Variants in CEP192 observed in about 807,000 individuals in gnomAD.
CEP192 encodes the protein centrosomal protein of 192 kDa.
CEP192 carries 151 observed loss-of-function variants against 271.8 expected under a neutral mutation model. The observed-to-expected ratio is 0.56, with a 90% CI of 0.49 to 0.64. The LOEUF is 0.64. CEP192 is among the 30% of genes least tolerant of loss of function. CEP192 has a pLI of 0.00. For synonymous variants in CEP192, 995 were observed against 1,076.5 expected (o/e 0.92, Z 1.48); for missense variants, 2,910 against 3,020.5 (o/e 0.96, Z 0.86).
chr18:13,085,074 C>G (rs562301248), intron 30 of CEP192, among the ~76,000 whole-genome samples: 1 of 152,044 alleles, frequency 6.6e-6, no homozygotes, highest in South Asian at 2.1e-4. Context: ...ATCTGCCCAC[C>G]TTTGCCTCCC....
At chr18:13,087,746 A>G (rs556853596) in intron 32 of CEP192, 100 bp downstream of exon 32, 42 of 486,092 alleles carry the variant, frequency 8.6e-5, no homozygotes, top group Non-Finnish European at 1.5e-4. Flanking sequence ...TTCACTATTT[A>G]TTAGTGAACT....
At chr18:13,089,094 A>G (rs2144717776) in intron 32 of CEP192, among the ~76,000 whole-genome samples, 1 of 152,308 alleles carries the variant, frequency 6.6e-6, no homozygotes, top group African/African-American at 2.4e-5. Flanking sequence ...TTATATGGTA[A>G]TTTAGGTATT....
intron 3 of CEP192, among the ~76,000 whole-genome samples, chr18:13,007,167 C>G (rs2034035205): frequency 1.3e-5 from 2 of 152,172 alleles, no homozygotes; most frequent in African/African-American, 4.8e-5. Context: ...TTTTCAGATT[C>G]CAGAATCTGG....
At chr18:13,083,319 T>C (rs1318408457) in intron 30 of CEP192, among the ~76,000 whole-genome samples, 2 of 151,970 alleles carry the variant, frequency 1.3e-5, no homozygotes, top group African/African-American at 4.8e-5. Context: ...TTGTTTCTTT[T>C]TACTTTTTGT....
chr18:13,100,515 A>G lies in CEP192; in HGVS notation c.6871+3A>G. On this transcript the variant is annotated splice_donor_region_variant and intron_variant, in intron 38 of 44. Coordinates refer to ENST00000506447, the MANE Select transcript of CEP192 (RefSeq NM_032142.4). ...AACAGAACCTGGTGAAACTTCAGGT[A>G]TTGTATCACAAAATTATGTAATTCA... 1 of 1,589,960 alleles carries G rather than the reference A, an allele frequency of 6.3e-7. No individual in the cohort carries two copies. The highest frequency in any genetic ancestry group is 8.6e-7 in the Non-Finnish European group (1 of 1,159,150).
At chr18:13,066,049 A>G (rs1471549805) in intron 21 of CEP192, among the ~76,000 whole-genome samples, 2 of 152,226 alleles carry the variant, frequency 1.3e-5, no homozygotes, top group East Asian at 3.8e-4. Context: ...GTCTGAACTC[A>G]AATAGTTTAC....
chr18:13,072,849 C>T lies in CEP192; in HGVS notation c.5439+4C>T, dbSNP rs1432874123. 8.7e-6 allele frequency: 14 copies of T among 1,600,628 alleles called. No individual in the cohort carries two copies. Among genetic ancestry groups the T allele is most frequent in the African/African-American group, 4.0e-5 (3 of 74,656 alleles). On this transcript the variant is annotated splice_donor_region_variant and intron_variant, in intron 29 of 44. Coordinates refer to ENST00000506447, the MANE Select transcript of CEP192 (RefSeq NM_032142.4). ...ACAAGATCAGGACTGCTTTCAGGTT[C>T]GTAGAGTACGTGGATTCTTGTTATG...
chr18:13,078,303 G>A (rs968736587), intron 30 of CEP192, among the ~76,000 whole-genome samples: 6 of 152,184 alleles, frequency 3.9e-5, no homozygotes, highest in Admixed American at 6.5e-5. Context: ...TGGTGTATAT[G>A]TGCCACATTT....
chr18:13,089,413 A>G (rs1025778606), intron 32 of CEP192, 43 bp from the exon 33 acceptor site: 1 of 940,122 alleles, frequency 1.1e-6, no homozygotes, highest in Non-Finnish European at 1.6e-6. Context: ...TATTTTATAT[A>G]TAACGTCACT....
intron 40 of CEP192, among the ~76,000 whole-genome samples, chr18:13,113,362 G>A (rs2040291978): frequency 6.6e-6 from 1 of 152,174 alleles, no homozygotes; most frequent in African/African-American, 2.4e-5. Flanking sequence ...TACATTTTAA[G>A]AAATATGTTA....
intron 3 of CEP192, among the ~76,000 whole-genome samples, chr18:13,007,241 C>T: frequency 6.6e-6 from 1 of 152,304 alleles, no homozygotes; most frequent in East Asian, 1.9e-4. Flanking sequence ...GATTTCCTTA[C>T]TGTCATTTTA....
At chr18:13,025,806 T>A (rs2035264343) in intron 9 of CEP192, among the ~76,000 whole-genome samples, 1 of 152,172 alleles carries the variant, frequency 6.6e-6, no homozygotes, top group Non-Finnish European at 1.5e-5. Context: ...TGTCTGTATA[T>A]AGACACACAC....
chr18:13,001,556 G>A lies in CEP192; in HGVS notation c.264G>A (p.Arg88=), dbSNP rs966546259. ...AGAGTGATGCTGAACCAAGAGAGAG[G>A]TTACAGCTTAGCTTCCAGGATGATG... is the stretch of plus-strand genomic sequence containing the variant. ...GSQSDAEPRE[R]LQLSFQDDDS... is the part of the protein sequence containing the mutation. Residue 88 remains arginine, a synonymous_variant, in exon 3 of 45, where the codon AGG becomes AGA. Transcript: ENST00000506447. 2.8e-5 allele frequency: 44 copies of A among 1,549,506 alleles called. No individual in the cohort carries two copies. In the Admixed American group the frequency reaches 3.2e-4, roughly 11 times the overall value.
intron 30 of CEP192, among the ~76,000 whole-genome samples, chr18:13,077,057 A>G (rs2038329145): frequency 6.6e-6 from 1 of 152,250 alleles, no homozygotes; most frequent in Non-Finnish European, 1.5e-5. Flanking sequence ...TGCTGAGATT[A>G]CGGGCGTGAG....
At chr18:13,026,864 C>A (rs1328264140) in intron 9 of CEP192, among the ~76,000 whole-genome samples, 2 of 152,208 alleles carry the variant, frequency 1.3e-5, no homozygotes, top group African/African-American at 4.8e-5. Context: ...ATACCAACAT[C>A]CCTGCCATAT....
chr18:13,068,016 A>G lies in CEP192; in HGVS notation c.4614+60A>G. Reference sequence around the variant, plus strand: ...GAATGCACTGATCTTATGAAAGTACATTTTTTTAAGGATTTTGTTAGCAAA... The same window carrying G: ...GAATGCACTGATCTTATGAAAGTACGTTTTTTTAAGGATTTTGTTAGCAAA... On this transcript the variant is annotated intron_variant, in intron 22 of 44. Transcript: ENST00000506447. 57 of 1,602,654 alleles carry G rather than the reference A, an allele frequency of 3.6e-5. No homozygotes were observed. The South Asian group carries it at 5.9e-4, about 17-fold the overall frequency.
chr18:13,107,974 A>G (rs982837321), intron 40 of CEP192, among the ~76,000 whole-genome samples: 1 of 152,154 alleles, frequency 6.6e-6, no homozygotes, highest in South Asian at 2.1e-4. Flanking sequence ...GGAACAGAAT[A>G]GAGAACCCAG....
chr18:13,039,039 A>C (rs977647773), intron 13 of CEP192, among the ~76,000 whole-genome samples: 2 of 152,284 alleles, frequency 1.3e-5, no homozygotes, highest in Non-Finnish European at 2.9e-5. Context: ...ACAATTAAAA[A>C]GACAAGTTAT....
chr18:13,102,697 C>T (rs1347819651), intron 38 of CEP192, among the ~76,000 whole-genome samples: 2 of 152,212 alleles, frequency 1.3e-5, no homozygotes, highest in Non-Finnish European at 2.9e-5. Context: ...GTTTTCCTGC[C>T]TCACCTGCTC....
Sources: gnomAD v4.1 joint callset for allele counts (sites outside exome capture counted in the v4.1 genomes callset) on GRCh38, gnomAD v4.1.1 for gene constraint, MANE v1.5 for transcripts, NCBI Gene and HGNC (gene_info 2026-07-23, HGNC 2026-07-21) for gene names.